The following XRN1 variants were observed in gnomAD, a reference collection of about 807,000 sequenced individuals.
XRN1 encodes strand-exchange protein 1 homolog.
A neutral mutation model predicts 222.3 loss-of-function variants in XRN1; 67 were observed. The observed-to-expected ratio is 0.30, with a 90% CI of 0.25 to 0.37. The LOEUF (loss-of-function observed/expected upper bound fraction) is 0.37, where lower values mean the gene tolerates loss of function less well. Among genes scored for constraint, XRN1 ranks in the 10% least tolerant of loss-of-function variants. The pLI, the probability that XRN1 is intolerant of heterozygous loss-of-function variation, is 1.00. For missense variants in XRN1, 1,707 were observed against 2,000.2 expected, an observed-to-expected ratio of 0.85 and a Z score of 2.80; for synonymous variants, 643 against 652.4, an observed-to-expected ratio of 0.99 and a Z score of 0.22.
intron 1 of XRN1, among the ~76,000 whole-genome samples, chr3:142,435,794 T>TGG (rs1409744897): frequency 2.2e-4 from 31 of 139,954 alleles, no homozygotes; most frequent in African/African-American, 8.5e-4. Context: ...CCAGGTGCAG[T>TGG]GGCTCACGCC....
At chr3:142,343,164 A>G (rs2066044580) in intron 33 of XRN1, among the ~76,000 whole-genome samples, 1 of 152,176 alleles carries the variant, frequency 6.6e-6, no homozygotes. Flanking sequence ...GCAAACAGGT[A>G]TATGAAAAGG....
intron 27 of XRN1, among the ~76,000 whole-genome samples, chr3:142,368,746 T>C (rs902268890): frequency 1.3e-5 from 2 of 152,228 alleles, no homozygotes; most frequent in African/African-American, 4.8e-5. Context: ...CTCTTGGCTC[T>C]GAGCCTTATA....
rs1186618567 is a variant in XRN1, at chr3:142,334,771, C to T, written c.3939+677G>A. Among the ~76,000 whole-genome samples the T allele has an allele frequency of 2.1e-5, 3 of 144,302 alleles. No homozygotes were observed. In the East Asian group the frequency reaches 6.0e-4, roughly 29 times the overall value. The allele number at this position is 144,302 out of a possible 152,430, so 94.7% of individuals were successfully genotyped here. A position where few individuals can be genotyped will look rare whatever the true frequency, so the allele number is the denominator to read the frequency against. On this transcript the variant is annotated intron_variant, in intron 34 of 40. Coordinates refer to ENST00000392981, the MANE Select transcript of XRN1 (RefSeq NM_001282857.2). The stretch of plus-strand genomic sequence containing the variant: ...GTGTATATATATGTCTATGTATACA[C>T]ACACACACACACACACACACACACA...
At chr3:142,405,129 C>A in intron 15 of XRN1, 53 bp from the exon 16 acceptor site, 1 of 1,553,310 alleles carries the variant, frequency 6.4e-7, no homozygotes, top group Non-Finnish European at 8.8e-7. Context: ...TCCATAATCT[C>A]AACAAACAGA....
At chr3:142,367,113 C>T (rs544617548) in intron 27 of XRN1, among the ~76,000 whole-genome samples, 3 of 152,256 alleles carry the variant, frequency 2.0e-5, no homozygotes, top group South Asian at 4.1e-4. Context: ...CATGGAGAAA[C>T]CCTGTCTCTA....
At chr3:142,395,787 G>A (rs915494576) in intron 20 of XRN1, among the ~76,000 whole-genome samples, 3 of 152,132 alleles carry the variant, frequency 2.0e-5, no homozygotes, top group Admixed American at 1.3e-4. Context: ...TCCTACTTCT[G>A]AGGTTGCCAC....
intron 27 of XRN1, among the ~76,000 whole-genome samples, chr3:142,370,201 T>C (rs1448344568): frequency 6.6e-6 from 1 of 152,184 alleles, no homozygotes; most frequent in East Asian, 1.9e-4. Context: ...ATACTATGGC[T>C]TTTGTATATT....
At chr3:142,416,614 T>C (rs1333110049) in intron 13 of XRN1, among the ~76,000 whole-genome samples, 1 of 152,224 alleles carries the variant, frequency 6.6e-6, no homozygotes, top group East Asian at 1.9e-4. Flanking sequence ...CTTGACTAAC[T>C]TTGATAGAGA....
chr3:142,342,328 C>T (rs2066018566), intron 33 of XRN1, among the ~76,000 whole-genome samples: 1 of 152,100 alleles, frequency 6.6e-6, no homozygotes, highest in South Asian at 2.1e-4. Flanking sequence ...CCAAGGTTCA[C>T]AGACTGGAAG....
At chr3:142,319,834 G>A (rs1236258296) in intron 37 of XRN1, among the ~76,000 whole-genome samples, 6 of 152,082 alleles carry the variant, frequency 3.9e-5, no homozygotes, top group Middle Eastern at 3.4e-3. Flanking sequence ...TACAAGATAC[G>A]TGATTTCATT....
At chr3:142,324,170 T>C (rs997259557) in intron 37 of XRN1, among the ~76,000 whole-genome samples, 7 of 151,982 alleles carry the variant, frequency 4.6e-5, no homozygotes, top group African/African-American at 1.7e-4. Context: ...TATATATACA[T>C]GTGCCATGTT....
Position 142,384,528 on chromosome 3 carries a change from C to T in XRN1, c.2497G>A (p.Val833Ile), listed in dbSNP as rs1455995753. ...GAAACTTGATATAGACTTACCTTGA[C>T]AATAGTTTGATAAACAAAAGGAACA... is the stretch of plus-strand genomic sequence containing the variant. ...QVVPFVYQTI[V>I]KDIRAFDSRF... The change falls in exon 21 of 41, where the codon GTC becomes ATC. Residue 833 changes from valine to isoleucine, a missense_variant. By Grantham distance (29) the Val-to-Ile change is conservative (BLOSUM62 3). Around this residue, in one of 2 missense-constraint regions of XRN1, gnomAD observed 1,234 missense variants for 1,518.2 expected, o/e 0.81. Transcript: ENST00000392981. 4.3e-6 allele frequency: 7 copies of T among 1,609,812 alleles called. No homozygotes were observed. The highest frequency in any genetic ancestry group is 1.7e-5 in the Admixed American group (1 of 59,506).
intron 2 of XRN1, among the ~76,000 whole-genome samples, chr3:142,430,308 T>C (rs2069467274): frequency 1.3e-5 from 2 of 152,186 alleles, no homozygotes. Flanking sequence ...GTGCTTTCTA[T>C]CACCTGCAAC....
chr3:142,384,728 T>C (rs2067431125), intron 20 of XRN1, 43 bp from the exon 21 acceptor site: 3 of 1,412,980 alleles, frequency 2.1e-6, no homozygotes, highest in Non-Finnish European at 2.9e-6. Flanking sequence ...TGAATGAGTA[T>C]GCAGATATTC....
intron 35 of XRN1, 71 bp downstream of exon 35, chr3:142,332,896 G>A (rs867445677): frequency 6.4e-7 from 1 of 1,557,020 alleles, no homozygotes; most frequent in African/African-American, 1.4e-5. Flanking sequence ...TTGAACACTT[G>A]CATGGGATAT....
At chr3:142,352,941 G>A (rs1000215949) in intron 32 of XRN1, among the ~76,000 whole-genome samples, 3 of 152,128 alleles carry the variant, frequency 2.0e-5, no homozygotes, top group Non-Finnish European at 4.4e-5. Context: ...ACCACGCCTC[G>A]CCAAACATTC....
chr3:142,370,173 C>T (rs1236638381), intron 27 of XRN1, among the ~76,000 whole-genome samples: 2 of 151,736 alleles, frequency 1.3e-5, no homozygotes, highest in East Asian at 3.9e-4. Context: ...GGAAACACTA[C>T]AAGGGCATAA....
intron 37 of XRN1, among the ~76,000 whole-genome samples, chr3:142,323,447 G>T (rs1291032073): frequency 6.6e-6 from 1 of 152,030 alleles, no homozygotes; most frequent in East Asian, 1.9e-4. Flanking sequence ...CTCCCAAAGT[G>T]CTGGGATTAC....
intron 13 of XRN1, 56 bp downstream of exon 13, chr3:142,417,084 A>G: frequency 7.7e-7 from 1 of 1,295,518 alleles, no homozygotes; most frequent in Non-Finnish European, 1.1e-6. Flanking sequence ...ATAAGACTCT[A>G]GTAGAATGAA....
Sources: allele counts gnomAD v4.1 joint callset (sites outside exome capture counted in the v4.1 genomes callset), GRCh38; gene constraint gnomAD v4.1.1; regional missense constraint gnomAD v4.1.1; transcripts MANE v1.5; gene names NCBI Gene and HGNC (gene_info 2026-07-23, HGNC 2026-07-21).